Variants in XKR6 observed in about 807,000 individuals in gnomAD.
The protein encoded by XKR6 is XK related 6, also known as XK-related protein 6.
In XKR6, 22 loss-of-function variants were observed where a neutral mutation model predicts 56.7. The ratio of observed to expected loss-of-function variants is 0.39; its 90% confidence interval spans 0.28 to 0.55. The LOEUF is 0.55. XKR6 is among the 20% of genes least tolerant of loss of function. The probability of loss-of-function intolerance (pLI) is 0.66; values close to 1 mark genes in which losing one functional copy is unlikely to be tolerated. For synonymous variants in XKR6, 524 were observed against 387.8 expected, an observed-to-expected ratio of 1.35 and a Z score of -4.13; for missense variants, 852 against 889.0, an observed-to-expected ratio of 0.96 and a Z score of 0.53.
chr8:11,035,373 G>C (rs999686060), intron 1 of XKR6: 25 of 531,494 alleles, frequency 4.7e-5, no homozygotes, highest in East Asian at 3.8e-4. Context: ...ATCATGAATG[G>C]GGCTCTTTGC....
chr8:11,052,720 C>T (rs1799583405), intron 1 of XKR6, among the ~76,000 whole-genome samples: 1 of 150,058 alleles, frequency 6.7e-6, no homozygotes, highest in Admixed American at 6.6e-5. Context: ...CCCACCCCGA[C>T]CCCTGTTTCC....
At chr8:11,029,969 A>T (rs1798954859) in intron 1 of XKR6, among the ~76,000 whole-genome samples, 1 of 152,154 alleles carries the variant, frequency 6.6e-6, no homozygotes, top group Admixed American at 6.5e-5. Flanking sequence ...TCCAGTCATC[A>T]TACACACAAA....
intron 1 of XKR6, among the ~76,000 whole-genome samples, chr8:10,995,560 C>T (rs7836687): frequency 0.47 from 70,602 of 149,648 alleles, 21,129 homozygotes; most frequent in African/African-American, 0.85. Flanking sequence ...TGGTGGCACA[C>T]GCCTGTGGTC....
At chr8:11,102,267 C>A (rs1798513735) in intron 1 of XKR6, among the ~76,000 whole-genome samples, 1 of 152,170 alleles carries the variant, frequency 6.6e-6, no homozygotes, top group African/African-American at 2.4e-5. Flanking sequence ...CATGAGCTCT[C>A]CCATATTCAA....
chr8:10,918,273 G>A (rs535749208), intron 2 of XKR6, among the ~76,000 whole-genome samples: 82 of 152,222 alleles, frequency 5.4e-4, no homozygotes, highest in Non-Finnish European at 1.6e-4. Context: ...AAGACAGTGA[G>A]GCTTCCCCCT....
chr8:11,082,225 GC>G, intron 1 of XKR6, among the ~76,000 whole-genome samples: 1 of 152,314 alleles, frequency 6.6e-6, no homozygotes, highest in Middle Eastern at 3.4e-3. Flanking sequence ...CATCTCTGAA[GC>G]CCAGCTCCAC....
chr8:11,032,971 G>A lies in XKR6; in HGVS notation c.765-108141C>T, dbSNP rs151066133. ...TGATGGTACCGATGGTGATTGTAGT[G>A]GTGATAATGGTGATGGTTGTGATGA... On this transcript the variant is annotated intron_variant, in intron 1 of 2. Transcript: ENST00000416569. 5.2e-3 allele frequency among the ~76,000 whole-genome samples: 798 copies of A among 152,256 alleles called. 2 individuals carry two copies. The highest frequency in any genetic ancestry group is 9.2e-3 in the Admixed American group (141 of 15,288).
chr8:11,195,687 C>T lies in XKR6; in HGVS notation c.764+4889G>A, dbSNP rs553750348. 4.0e-5 allele frequency among the ~76,000 whole-genome samples: 6 copies of T among 149,026 alleles called. No individual in the cohort carries two copies. In the South Asian group the frequency reaches 8.4e-4, roughly 21 times the overall value. ...TTTTTGAGATGGAGTCTCGCTCTGT[C>T]GCCCAGGCTGGAGTGCAGTGGCGCG... is the stretch of plus-strand genomic sequence containing the variant. On this transcript the variant is annotated intron_variant, in intron 1 of 2. Transcript: ENST00000416569.
At chr8:11,187,837 T>C (rs1486295688) in intron 1 of XKR6, among the ~76,000 whole-genome samples, 1 of 152,158 alleles carries the variant, frequency 6.6e-6, no homozygotes, top group Non-Finnish European at 1.5e-5. Context: ...TCTCCAAGAA[T>C]GAATCTACAT....
chr8:11,050,140 C>T (rs1043447093), intron 1 of XKR6, among the ~76,000 whole-genome samples: 5 of 152,306 alleles, frequency 3.3e-5, no homozygotes, highest in South Asian at 2.1e-4. Context: ...CTCCCAGGGC[C>T]GGTGCTGTTG....
intron 1 of XKR6, among the ~76,000 whole-genome samples, chr8:11,036,183 A>G (rs1799138673): frequency 6.6e-6 from 1 of 152,092 alleles, no homozygotes; most frequent in Non-Finnish European, 1.5e-5. Flanking sequence ...CCTGGGCTCA[A>G]GTGATCCTCC....
rs573035842 is a variant in XKR6 at position 10,996,251 on chromosome 8, G to T, written c.765-71421C>A. Among the ~76,000 whole-genome samples the T allele has an allele frequency of 4.6e-5, 7 of 152,264 alleles. No homozygotes were observed. The South Asian group carries it at 1.5e-3, about 32-fold the overall frequency. ...TTACTTCTACTAAGAGGTGCTCCTG[G>T]GGGTGTGTGGAACAGTGGGCCCCCT... On this transcript the variant is annotated intron_variant, in intron 1 of 2. Transcript: ENST00000416569.
chr8:11,017,428 G>A (rs1798651258), intron 1 of XKR6, among the ~76,000 whole-genome samples: 1 of 152,262 alleles, frequency 6.6e-6, no homozygotes, highest in South Asian at 2.1e-4. Context: ...CACAACGGCA[G>A]CTTAGCCTGG....
At chr8:11,156,089 G>A (rs1801505593) in intron 1 of XKR6, among the ~76,000 whole-genome samples, 1 of 152,082 alleles carries the variant, frequency 6.6e-6, no homozygotes, top group Non-Finnish European at 1.5e-5. Context: ...TAAAGATTTT[G>A]ACTTTATCCA....
chr8:11,131,009 A>G (rs1163513533), intron 1 of XKR6, among the ~76,000 whole-genome samples: 2 of 152,144 alleles, frequency 1.3e-5, no homozygotes, highest in Non-Finnish European at 2.9e-5. Flanking sequence ...ACATTTCATA[A>G]ATCGCTAGTT....
intron 1 of XKR6, chr8:11,124,085 A>G (rs1563154491): frequency 2.2e-6 from 1 of 445,334 alleles, no homozygotes; most frequent in African/African-American, 2.0e-5. Context: ...ACGATTTCCT[A>G]CTAACATACT....
chr8:10,977,097 T>C (rs1802590007), intron 1 of XKR6, among the ~76,000 whole-genome samples: 1 of 152,166 alleles, frequency 6.6e-6, no homozygotes, highest in Non-Finnish European at 1.5e-5. Context: ...GGTGAGGTTT[T>C]CTGACTCTGC....
At chr8:11,110,097 T>C (rs1404395210) in intron 1 of XKR6, among the ~76,000 whole-genome samples, 2 of 152,048 alleles carry the variant, frequency 1.3e-5, no homozygotes, top group Non-Finnish European at 2.9e-5. Flanking sequence ...CTTAGCCTCC[T>C]GAGTAGCTGG....
intron 2 of XKR6, among the ~76,000 whole-genome samples, chr8:10,918,697 C>T (rs1800630696): frequency 6.6e-6 from 1 of 152,180 alleles, no homozygotes; most frequent in African/African-American, 2.4e-5. Context: ...CGGAGAATCC[C>T]CAAAGGAGGA....
Sources: allele counts gnomAD v4.1 joint callset (sites outside exome capture counted in the v4.1 genomes callset), GRCh38; gene constraint gnomAD v4.1.1; transcripts MANE v1.5; gene names NCBI Gene and HGNC (gene_info 2026-07-23, HGNC 2026-07-21).